Variants in ANKFN1 observed in about 807,000 individuals in gnomAD.
The protein encoded by ANKFN1 is ankyrin repeat and fibronectin type III domain containing 1.
Under a neutral mutation model 108.7 loss-of-function variants are expected in ANKFN1, and 74 were observed. The observed-to-expected ratio is 0.68, with a 90% CI of 0.56 to 0.83. The LOEUF is 0.83. Ranked by LOEUF, ANKFN1 falls within the 40% of genes least tolerant of loss-of-function variation. The pLI, the probability that ANKFN1 is intolerant of heterozygous loss-of-function variation, is 0.00. For synonymous variants in ANKFN1, 547 were observed against 516.2 expected, an observed-to-expected ratio of 1.06 and a Z score of -0.81; for missense variants, 1,505 against 1,382.3, an observed-to-expected ratio of 1.09 and a Z score of -1.41.
intron 8 of ANKFN1, among the ~76,000 whole-genome samples, chr17:56,428,848 C>A (rs1168941877): frequency 6.6e-6 from 1 of 151,410 alleles, no homozygotes; most frequent in Non-Finnish European, 1.5e-5. Context: ...TTCTTGGGAC[C>A]CAGCTGACAA....
chr17:56,299,351 C>G (rs1338626098), intron 3 of ANKFN1, among the ~76,000 whole-genome samples: 1 of 152,082 alleles, frequency 6.6e-6, no homozygotes, highest in African/African-American at 2.4e-5. Flanking sequence ...TGGATAGTCT[C>G]CCCAGCAGGA....
At position 56,192,036 on chromosome 17, in the gene ANKFN1, A is replaced by T. The variant is rs531840516; in HGVS notation, c.-70-20562A>T. Among the ~76,000 whole-genome samples the T allele has an allele frequency of 1.7e-3, 260 of 152,124 alleles. 3 individuals are homozygous for T. Among genetic ancestry groups the T allele is most frequent in the African/African-American group, 6.0e-3 (250 of 41,462 alleles). ...CCTGAGGCTTCTGCATTCTTCACGT[A>T]GTTCTCGAGCCTTGGTTTTCAGCTC... is the stretch of plus-strand genomic sequence containing the variant. On this transcript the variant is annotated intron_variant, in intron 1 of 20. Transcript: ENST00000682825.
intron 3 of ANKFN1, among the ~76,000 whole-genome samples, chr17:56,256,087 G>C (rs2043350619): frequency 6.6e-6 from 1 of 152,110 alleles, no homozygotes; most frequent in Non-Finnish European, 1.5e-5. Context: ...GCTGAACCCT[G>C]CCCCAAGAGT....
chr17:56,207,150 C>T (rs761585164), intron 1 of ANKFN1, among the ~76,000 whole-genome samples: 1 of 152,174 alleles, frequency 6.6e-6, no homozygotes, highest in Admixed American at 6.5e-5. Context: ...GTCTTTGCTT[C>T]CTACACTGGA....
chr17:56,308,809 G>A (rs746533754), intron 3 of ANKFN1, among the ~76,000 whole-genome samples: 2 of 152,068 alleles, frequency 1.3e-5, no homozygotes, highest in Non-Finnish European at 2.9e-5. Context: ...TGCTTTTTCT[G>A]CATCAATTGA....
At position 56,070,560 on chromosome 17, in the gene ANKFN1, G is replaced by A. The variant is rs548733824; in HGVS notation, c.288+24235G>A. 3.0e-4 allele frequency among the ~76,000 whole-genome samples: 46 copies of A among 152,130 alleles called. 1 individual carries two copies. In the South Asian group the frequency reaches 9.6e-3, roughly 32 times the overall value. ...TAAGGTCACATTCATGAGTACTGGGGGCTAAGAAATGAATATACCTTTTTG... is the reference window on the plus strand; with the variant it reads ...TAAGGTCACATTCATGAGTACTGGGAGCTAAGAAATGAATATACCTTTTTG... On this transcript the variant is annotated intron_variant, in intron 4 of 12. Coordinates refer to the ANKFN1 transcript ENST00000635860.
chr17:56,344,873 T>G (rs573471671), intron 4 of ANKFN1, among the ~76,000 whole-genome samples: 9 of 152,026 alleles, frequency 5.9e-5, no homozygotes, highest in Non-Finnish European at 7.4e-5. Flanking sequence ...TTTGTTTGTT[T>G]GTTTGCGTGT....
chr17:56,324,709 A>G (rs371836864), intron 3 of ANKFN1, among the ~76,000 whole-genome samples: 2 of 152,380 alleles, frequency 1.3e-5, no homozygotes, highest in Non-Finnish European at 1.5e-5. Flanking sequence ...GAATATTCCT[A>G]AATTAGATTA....
intron 3 of ANKFN1, among the ~76,000 whole-genome samples, chr17:56,257,157 G>GGCACA (rs1334811625): frequency 6.6e-6 from 1 of 152,172 alleles, no homozygotes; most frequent in African/African-American, 2.4e-5. Context: ...GCCTGGTATA[G>GGCACA]TAAGAACTCA....
rs2051802566 is a variant in ANKFN1 at position 56,512,379 on chromosome 17, C to T, written c.*1110C>T. Among the ~76,000 whole-genome samples the T allele has an allele frequency of 6.6e-6, 1 of 152,182 alleles. No individual in the cohort carries two copies. Among genetic ancestry groups the T allele is most frequent in the Admixed American group, 6.5e-5 (1 of 15,280 alleles). On this transcript the variant is annotated 3_prime_UTR_variant, in exon 21 of 21. Coordinates refer to ENST00000682825, the MANE Select transcript of ANKFN1 (RefSeq NM_001370326.1). ...TGCCTTTCCCTTTCAACCTACCTCTCCTTAGGTCAAATTTGCCTCAAAATC... is the reference window on the plus strand; with the variant it reads ...TGCCTTTCCCTTTCAACCTACCTCTTCTTAGGTCAAATTTGCCTCAAAATC...
chr17:56,159,069 AAAGAAG>A (rs1244063303), intron 1 of ANKFN1, among the ~76,000 whole-genome samples: 1 of 151,002 alleles, frequency 6.6e-6, no homozygotes, highest in Non-Finnish European at 1.5e-5. Flanking sequence ...GAAGAAGAAG[AAAGAAG>A]AAGAGGAAGA....
intron 4 of ANKFN1, among the ~76,000 whole-genome samples, chr17:56,335,681 T>A (rs1463309960): frequency 2.6e-5 from 4 of 152,220 alleles, no homozygotes; most frequent in Admixed American, 6.5e-5. Flanking sequence ...TTTGATTTCC[T>A]CTTTTCCTAA....
chr17:56,106,836 G>T (rs1905761333), intron 4 of ANKFN1, among the ~76,000 whole-genome samples: 1 of 152,106 alleles, frequency 6.6e-6, no homozygotes, highest in Non-Finnish European at 1.5e-5. Flanking sequence ...AAATGGTTAT[G>T]TTTCTGTATA....
At chr17:56,364,771 C>T (rs1315563910) in intron 6 of ANKFN1, among the ~76,000 whole-genome samples, 1 of 152,194 alleles carries the variant, frequency 6.6e-6, no homozygotes, top group Admixed American at 6.5e-5. Flanking sequence ...TGGAAAGTTG[C>T]AGAGAACACT....
intron 8 of ANKFN1, among the ~76,000 whole-genome samples, chr17:56,381,893 C>T (rs867533216): frequency 2.6e-5 from 4 of 152,248 alleles, no homozygotes; most frequent in Middle Eastern, 3.4e-3. Context: ...CTTCCCCAAT[C>T]TAGCAAGGCA....
intron 18 of ANKFN1, among the ~76,000 whole-genome samples, chr17:56,482,907 T>TCCTTTCTCTCTCCTTTCCTC (rs2050756942): frequency 6.6e-6 from 1 of 151,826 alleles, no homozygotes; most frequent in Non-Finnish European, 1.5e-5. Flanking sequence ...TCTCCCCACT[T>TCCTTTCTCTCTCCTTTCCTC]CCTTTCTCTC....
intron 8 of ANKFN1, among the ~76,000 whole-genome samples, chr17:56,380,522 C>T (rs1188203594): frequency 6.6e-6 from 1 of 152,214 alleles, no homozygotes; most frequent in African/African-American, 2.4e-5. Context: ...AGGGAGTTCC[C>T]CTTCCTAGTC....
chr17:56,486,158 G>A (rs2050849654), intron 18 of ANKFN1, among the ~76,000 whole-genome samples: 1 of 152,172 alleles, frequency 6.6e-6, no homozygotes, highest in South Asian at 2.1e-4. Flanking sequence ...ATCAAAGCCT[G>A]ACTTTAAGAT....
intron 4 of ANKFN1, among the ~76,000 whole-genome samples, chr17:56,073,314 C>A (rs1025490571): frequency 6.6e-6 from 1 of 152,212 alleles, no homozygotes; most frequent in Non-Finnish European, 1.5e-5. Context: ...AACATCCTAA[C>A]GTTTTATTAT....
Sources: allele counts gnomAD v4.1 joint callset (sites outside exome capture counted in the v4.1 genomes callset), GRCh38; gene constraint gnomAD v4.1.1; transcripts MANE v1.5; gene names NCBI Gene and HGNC (gene_info 2026-07-23, HGNC 2026-07-21).